IQGAP2: variants seen among roughly 807,000 people sequenced by gnomAD.
IQGAP2 encodes ras GTPase-activating-like protein IQGAP2.
In IQGAP2, 173 loss-of-function variants were observed where a neutral mutation model predicts 201.3. That is an observed-to-expected ratio of 0.86 (90% confidence interval 0.76 to 0.98). The LOEUF is 0.98. Ranked by LOEUF, IQGAP2 falls within the 50% of genes least tolerant of loss-of-function variation. The probability of loss-of-function intolerance (pLI) is 0.00; values close to 1 mark genes in which losing one functional copy is unlikely to be tolerated. For synonymous variants in IQGAP2, 675 were observed against 673.9 expected (o/e 1.00, Z -0.03); for missense variants, 1,687 against 1,864.8 (o/e 0.90, Z 1.76).
intron 30 of IQGAP2, among the ~76,000 whole-genome samples, chr5:76,689,773 T>C (rs771546069): frequency 2.0e-5 from 3 of 152,210 alleles, no homozygotes; most frequent in Non-Finnish European, 4.4e-5. Context: ...ATTATCTTGT[T>C]AGGATGTTAA....
At chr5:76,650,827 C>T (rs1286570466) in intron 17 of IQGAP2, among the ~76,000 whole-genome samples, 2 of 152,162 alleles carry the variant, frequency 1.3e-5, no homozygotes, top group South Asian at 2.1e-4. Context: ...ACTGCAATTG[C>T]AGTGTCTCTA....
At chr5:76,674,119 TC>T (rs1744596173) in intron 26 of IQGAP2, 83 bp downstream of exon 26, 1 of 780,738 alleles carries the variant, frequency 1.3e-6, no homozygotes, top group African/African-American at 1.7e-5. Flanking sequence ...GTAAGATTAT[TC>T]CCCATGTATG....
At chr5:76,531,942 A>G (rs1011796212) in intron 2 of IQGAP2, among the ~76,000 whole-genome samples, 9 of 152,246 alleles carry the variant, frequency 5.9e-5, no homozygotes, top group African/African-American at 1.9e-4. Context: ...CTACTTCCTC[A>G]TAGATGGCTG....
intron 2 of IQGAP2, among the ~76,000 whole-genome samples, chr5:76,527,540 A>G (rs1561439329): frequency 6.6e-6 from 1 of 152,370 alleles, no homozygotes; most frequent in East Asian, 1.9e-4. Context: ...CAATTTATAG[A>G]GAATTGCCAA....
chr5:76,611,669 T>G (rs565188029), intron 13 of IQGAP2, among the ~76,000 whole-genome samples: 2 of 152,336 alleles, frequency 1.3e-5, no homozygotes, highest in African/African-American at 4.8e-5. Context: ...CACAGATTGA[T>G]TCACGGATGT....
chr5:76,570,587 G>A lies in IQGAP2; in HGVS notation c.311G>A (p.Gly104Asp). The change falls in exon 4 of 36, where the codon GGC becomes GAC. Residue 104 changes from glycine (G) to aspartate (D), a missense_variant. Physicochemically the swap from Gly to Asp is moderately conservative, Grantham distance 94. Transcript: ENST00000274364. ...CTCCTATCGTCACTTTAGAAGTCTG[G>A]CCTTCATTTTCGACACACAGATAAT... Reference protein sequence around the residue: ...DVEQTRYKKSGLHFRHTDNTV... With the variant: ...DVEQTRYKKSDLHFRHTDNTV... 6.2e-7 allele frequency: 1 copy of A among 1,612,116 alleles called. No individual in the cohort carries two copies.
Position 76,676,301 on chromosome 5 carries a change from A to G in IQGAP2, c.3528-917A>G, listed in dbSNP as rs576399749. Among the ~76,000 whole-genome samples the G allele has an allele frequency of 2.0e-5, 3 of 152,284 alleles. 1 individual carries two copies. The South Asian group carries it at 6.2e-4, about 32-fold the overall frequency. ...CCTTTGTGTTTCTCAGAAATCTACA[A>G]AAAATTATAACCAAAGCAGCATAGG... On this transcript the variant is annotated intron_variant, in intron 27 of 35. Coordinates refer to ENST00000274364, the MANE Select transcript of IQGAP2 (RefSeq NM_006633.5).
intron 14 of IQGAP2, among the ~76,000 whole-genome samples, chr5:76,628,992 G>A (rs1026776801): frequency 2.0e-5 from 3 of 152,138 alleles, no homozygotes; most frequent in Non-Finnish European, 2.9e-5. Context: ...AACCAATTTA[G>A]AAGGTTTTTA....
At chr5:76,639,677 G>A (rs1678621121) in intron 16 of IQGAP2, among the ~76,000 whole-genome samples, 1 of 152,160 alleles carries the variant, frequency 6.6e-6, no homozygotes, top group Non-Finnish European at 1.5e-5. Flanking sequence ...TCGCAGTGTG[G>A]CAGTATTGCA....
intron 16 of IQGAP2, among the ~76,000 whole-genome samples, chr5:76,638,467 C>T (rs1751317796): frequency 1.3e-5 from 2 of 152,282 alleles, no homozygotes; most frequent in East Asian, 3.9e-4. Flanking sequence ...GCTGGAGTCT[C>T]AGGGGTCCTC....
At chr5:76,625,601 C>A (rs766234496) in intron 13 of IQGAP2, among the ~76,000 whole-genome samples, 5 of 152,188 alleles carry the variant, frequency 3.3e-5, no homozygotes. Flanking sequence ...CCAACACTTC[C>A]CCAGAGGTCT....
intron 23 of IQGAP2, among the ~76,000 whole-genome samples, chr5:76,669,387 G>A (rs1416519995): frequency 2.0e-5 from 3 of 152,168 alleles, no homozygotes; most frequent in Non-Finnish European, 4.4e-5. Context: ...TGGGAGCACG[G>A]GAGCCAGGCA....
At chr5:76,648,440 C>T (rs377164667) in intron 17 of IQGAP2, among the ~76,000 whole-genome samples, 3 of 152,090 alleles carry the variant, frequency 2.0e-5, no homozygotes, top group Non-Finnish European at 2.9e-5. Flanking sequence ...CCCAAACTAC[C>T]GACATTACCT....
intron 2 of IQGAP2, among the ~76,000 whole-genome samples, chr5:76,557,422 GATCATGCTCAAT>G (rs936124513): frequency 2.6e-5 from 4 of 152,152 alleles, no homozygotes; most frequent in Non-Finnish European, 5.9e-5. Flanking sequence ...TTTGGCAAAA[GATCATGCTCAAT>G]AAACACTAGT....
At position 76,623,446 on chromosome 5, in the gene IQGAP2, A is replaced by G; in HGVS notation, c.1522-3964A>G. 4 of 575,928 alleles carry G rather than the reference A, an allele frequency of 6.9e-6. No individual in the cohort carries two copies. The South Asian group carries it at 8.9e-5, about 13-fold the overall frequency. 35.7% of individuals were successfully genotyped at this position (575,928 alleles called of 1,614,324 possible). On this transcript the variant is annotated intron_variant, in intron 13 of 35. Transcript: ENST00000274364. ...GCTTCAGTAAGCATGACTCAGGCCA[A>G]GCCTCTGAACGTGTTACGTTATCCC...
At chr5:76,645,888 T>C (rs1751999942) in intron 17 of IQGAP2, among the ~76,000 whole-genome samples, 1 of 151,648 alleles carries the variant, frequency 6.6e-6, no homozygotes, top group Admixed American at 6.6e-5. Context: ...AATGATTCAA[T>C]ATTAAATAAT....
chr5:76,695,997 C>T (rs980849887), intron 32 of IQGAP2, among the ~76,000 whole-genome samples: 8 of 151,904 alleles, frequency 5.3e-5, no homozygotes, highest in South Asian at 2.1e-4. Context: ...CGCACCACCA[C>T]GCCCAGCTAA....
chr5:76,595,237 T>C (rs1382187363), intron 9 of IQGAP2, among the ~76,000 whole-genome samples: 2 of 149,222 alleles, frequency 1.3e-5, no homozygotes, highest in Non-Finnish European at 3.0e-5. Flanking sequence ...ATTTTGCATT[T>C]CTTTGCTTTT....
At chr5:76,549,872 G>T (rs577179527) in intron 2 of IQGAP2, among the ~76,000 whole-genome samples, 1 of 152,120 alleles carries the variant, frequency 6.6e-6, no homozygotes, top group South Asian at 2.1e-4. Context: ...GAGGTATTAG[G>T]GGTTAGGACT....
Sources: gnomAD v4.1 joint callset for allele counts (sites outside exome capture counted in the v4.1 genomes callset) on GRCh38, gnomAD v4.1.1 for gene constraint, MANE v1.5 for transcripts, NCBI Gene and HGNC (gene_info 2026-07-23, HGNC 2026-07-21) for gene names.